The following MALRD1 variants were observed in gnomAD, a reference collection of about 807,000 sequenced individuals.
The protein encoded by MALRD1 is MAM and LDL-receptor class A domain-containing protein 1.
MALRD1 carries 247 observed loss-of-function variants against 242.1 expected under a neutral mutation model. The ratio of observed to expected loss-of-function variants is 1.02; its 90% CI spans 0.92 to 1.13. The LOEUF (loss-of-function observed/expected upper bound fraction) is 1.13. MALRD1 is among the 50% of genes most tolerant of loss of function. MALRD1 has a pLI of 0.00. For synonymous variants in MALRD1, 995 were observed against 866.6 expected, an observed-to-expected ratio of 1.15 and a Z score of -2.60; for missense variants, 2,989 against 2,533.1, an observed-to-expected ratio of 1.18 and a Z score of -3.86.
In MALRD1 at chr10:19,416,640, T is replaced by G. The variant is rs1172558117; in HGVS notation, c.4845+27031T>G. 3.3e-5 allele frequency among the ~76,000 whole-genome samples: 5 copies of G among 152,158 alleles called. No homozygotes were observed. The East Asian group carries it at 7.7e-4, about 23-fold the overall frequency. ...TATATCTCATACAGTACCTCTCTAT[T>G]TACTATCCAGCTATGTTCTGGATTT... is the stretch of plus-strand genomic sequence containing the variant. On this transcript the variant is annotated intron_variant, in intron 28 of 39. Coordinates refer to ENST00000454679, the MANE Select transcript of MALRD1 (RefSeq NM_001142308.3).
chr10:19,521,539 T>C (rs1200338002), intron 31 of MALRD1, among the ~76,000 whole-genome samples: 1 of 152,174 alleles, frequency 6.6e-6, no homozygotes, highest in Non-Finnish European at 1.5e-5. Context: ...CTTCAATCTG[T>C]CTTCTGCAAA....
At chr10:19,583,092 G>T (rs1289593254) in intron 33 of MALRD1, among the ~76,000 whole-genome samples, 49 of 91,186 alleles carry the variant, frequency 5.4e-4, no homozygotes, top group African/African-American at 2.5e-3. Flanking sequence ...AGACTTTGCT[G>T]AAGTTGCTTA....
At chr10:19,127,081 A>G (rs1837306192) in intron 7 of MALRD1, among the ~76,000 whole-genome samples, 1 of 152,210 alleles carries the variant, frequency 6.6e-6, no homozygotes, top group South Asian at 2.1e-4. Context: ...TGCAAAGGAC[A>G]TGATCTCATT....
chr10:19,572,547 T>C (rs1836614383), intron 33 of MALRD1, among the ~76,000 whole-genome samples: 1 of 152,066 alleles, frequency 6.6e-6, no homozygotes, highest in Non-Finnish European at 1.5e-5. Context: ...AGCTAGGAAG[T>C]GGATTATTTC....
intron 26 of MALRD1, among the ~76,000 whole-genome samples, chr10:19,373,203 C>CAAAA (rs374095193): frequency 5.2e-5 from 6 of 114,868 alleles, no homozygotes; most frequent in South Asian, 3.0e-4. Context: ...ACGCTAAATA[C>CAAAA]AAAAAAAAAA....
intron 19 of MALRD1, among the ~76,000 whole-genome samples, chr10:19,275,241 T>A (rs922122805): frequency 1.3e-5 from 2 of 152,228 alleles, no homozygotes; most frequent in Non-Finnish European, 2.9e-5. Flanking sequence ...GTCATTTTTT[T>A]AAAGAAAAGA....
At chr10:19,607,492 C>T (rs537628792) in intron 34 of MALRD1, among the ~76,000 whole-genome samples, 2 of 152,104 alleles carry the variant, frequency 1.3e-5, no homozygotes, top group Admixed American at 6.6e-5. Context: ...AGTCCTGTTG[C>T]GGGTTAGGGT....
chr10:19,209,788 G>A, intron 18 of MALRD1, 108 bp downstream of exon 18: 1 of 1,142,694 alleles, frequency 8.8e-7, no homozygotes, highest in East Asian at 2.6e-5. Context: ...TTTGATCAAA[G>A]TTACATTGAG....
chr10:19,535,616 AAT>A, intron 32 of MALRD1, among the ~76,000 whole-genome samples: 1 of 151,668 alleles, frequency 6.6e-6, no homozygotes, highest in South Asian at 2.1e-4. Flanking sequence ...GAAATGGAGA[AAT>A]ATACACTACA....
At chr10:19,299,053 A>G (rs1841831623) in intron 21 of MALRD1, among the ~76,000 whole-genome samples, 1 of 151,928 alleles carries the variant, frequency 6.6e-6, no homozygotes, top group South Asian at 2.1e-4. Flanking sequence ...TACAAAAGAG[A>G]TGTCTACAAC....
intron 26 of MALRD1, among the ~76,000 whole-genome samples, chr10:19,374,949 T>C (rs1276304886): frequency 6.6e-6 from 1 of 152,148 alleles, no homozygotes; most frequent in African/African-American, 2.4e-5. Context: ...AGGACAGATA[T>C]AGGGGGCAAA....
chr10:19,343,704 G>C (rs1843984658), intron 24 of MALRD1, among the ~76,000 whole-genome samples: 1 of 152,048 alleles, frequency 6.6e-6, no homozygotes, highest in Non-Finnish European at 1.5e-5. Context: ...GTATTGCTTA[G>C]TCATGTTTCA....
intron 33 of MALRD1, among the ~76,000 whole-genome samples, chr10:19,569,407 T>C (rs1026888499): frequency 6.6e-5 from 10 of 151,864 alleles, no homozygotes; most frequent in African/African-American, 1.9e-4. Flanking sequence ...TTCCTTTAAT[T>C]TTCTCATTTT....
intron 18 of MALRD1, among the ~76,000 whole-genome samples, chr10:19,233,817 A>T (rs1838185594): frequency 6.6e-6 from 1 of 150,452 alleles, no homozygotes; most frequent in African/African-American, 2.5e-5. Flanking sequence ...CAACATGTTT[A>T]TATTGAATTT....
At chr10:19,404,592 C>T (rs932839996) in intron 28 of MALRD1, among the ~76,000 whole-genome samples, 39 of 151,982 alleles carry the variant, frequency 2.6e-4, no homozygotes, top group Non-Finnish European at 5.0e-4. Context: ...ATAGCCAGAT[C>T]ATTGAGTAGG....
rs184747110 is a variant in MALRD1 at position 19,131,178 on chromosome 10, A to G, written c.1111-2678A>G. On this transcript the variant is annotated intron_variant, in intron 8 of 39. Coordinates refer to ENST00000454679, the MANE Select transcript of MALRD1 (RefSeq NM_001142308.3). ...ACACACTTAAAAGGACTCCAAACCT[A>G]TCATTTAAAAAAGTGGCTCTTGATG... Among the ~76,000 whole-genome samples the G allele has an allele frequency of 1.4e-3, 213 of 148,892 alleles. 3 individuals are homozygous for G. Among genetic ancestry groups the G allele is most frequent in the Middle Eastern group, 0.01 (3 of 294 alleles).
chr10:19,575,040 C>G (rs373253848), intron 33 of MALRD1, among the ~76,000 whole-genome samples: 6 of 152,260 alleles, frequency 3.9e-5, no homozygotes, highest in African/African-American at 1.2e-4. Context: ...CTACAGCTCT[C>G]AAGGAGTTTA....
intron 12 of MALRD1, among the ~76,000 whole-genome samples, chr10:19,161,984 C>T (rs570765017): frequency 6.6e-5 from 10 of 152,078 alleles, no homozygotes; most frequent in Non-Finnish European, 1.0e-4. Flanking sequence ...GCCGTGATCA[C>T]GCCACTGCAC....
intron 18 of MALRD1, among the ~76,000 whole-genome samples, chr10:19,227,788 T>C (rs1374223551): frequency 6.6e-6 from 1 of 152,256 alleles, no homozygotes; most frequent in South Asian, 2.1e-4. Context: ...ATATAACATT[T>C]TGACCTAAAT....
Sources: allele counts gnomAD v4.1 joint callset (sites outside exome capture counted in the v4.1 genomes callset), GRCh38; gene constraint gnomAD v4.1.1; transcripts MANE v1.5; gene names NCBI Gene and HGNC (gene_info 2026-07-23, HGNC 2026-07-21).